EML1: variants seen among roughly 807,000 people sequenced by gnomAD.
EML1 encodes echinoderm microtubule-associated protein-like 1.
Under a neutral mutation model 110.4 loss-of-function variants are expected in EML1, and 27 were observed. The ratio of observed to expected loss-of-function variants is 0.24; its 90% confidence interval spans 0.18 to 0.34. The LOEUF is 0.34. Among genes scored for constraint, EML1 ranks in the 10% least tolerant of loss-of-function variants. The probability of loss-of-function intolerance (pLI) is 1.00; values close to 1 mark genes in which losing one functional copy is unlikely to be tolerated. For missense variants in EML1, 741 were observed against 1,030.9 expected, an observed-to-expected ratio of 0.72 and a Z score of 3.85; for synonymous variants, 344 against 385.8, an observed-to-expected ratio of 0.89 and a Z score of 1.27.
At chr14:99,923,868 G>T (rs1223059729) in intron 17 of EML1, among the ~76,000 whole-genome samples, 2 of 152,038 alleles carry the variant, frequency 1.3e-5, no homozygotes, top group African/African-American at 4.8e-5. Context: ...GGCCCAGGCC[G>T]GTCTCAAACG....
At chr14:99,898,751 CAAAA>C (rs35606709) in intron 8 of EML1, among the ~76,000 whole-genome samples, 3 of 107,636 alleles carry the variant, frequency 2.8e-5, no homozygotes, top group Non-Finnish European at 3.9e-5. Context: ...GACTAAGTCT[CAAAA>C]AAAAAAAAAA....
chr14:99,837,809 T>A (rs1384555304), intron 1 of EML1, among the ~76,000 whole-genome samples: 1 of 152,170 alleles, frequency 6.6e-6, no homozygotes, highest in East Asian at 1.9e-4. Flanking sequence ...TTTTGTTGTT[T>A]TATTGTTTTT....
At chr14:99,762,933 G>A (rs989733939) in intron 1 of EML1, among the ~76,000 whole-genome samples, 8 of 152,172 alleles carry the variant, frequency 5.3e-5, no homozygotes, top group Admixed American at 6.5e-5. Context: ...ACACCCCTAC[G>A]TATGTGTGTG....
At chr14:99,761,434 G>C (rs2140187522) in intron 1 of EML1, among the ~76,000 whole-genome samples, 1 of 152,284 alleles carries the variant, frequency 6.6e-6, no homozygotes, top group East Asian at 1.9e-4. Flanking sequence ...ACACAGACCA[G>C]GGTTGCTCAC....
At chr14:99,779,657 A>G (rs1203457534) in intron 1 of EML1, among the ~76,000 whole-genome samples, 1 of 152,246 alleles carries the variant, frequency 6.6e-6, no homozygotes, top group Non-Finnish European at 1.5e-5. Context: ...TCCCTAAAAA[A>G]GGTCCTTCCA....
chr14:99,779,323 A>C (rs1422398860), intron 1 of EML1, among the ~76,000 whole-genome samples: 3 of 152,210 alleles, frequency 2.0e-5, no homozygotes, highest in East Asian at 1.9e-4. Flanking sequence ...ATTTTCAAAG[A>C]TGTTTTATCA....
chr14:99,795,245 T>G (rs1165577392), intron 1 of EML1, among the ~76,000 whole-genome samples: 1 of 152,222 alleles, frequency 6.6e-6, no homozygotes, highest in East Asian at 1.9e-4. Context: ...TTCATGAATG[T>G]TTTCGTTTTC....
intron 1 of EML1, among the ~76,000 whole-genome samples, chr14:99,824,714 G>T (rs1451589446): frequency 6.6e-6 from 1 of 152,096 alleles, no homozygotes; most frequent in Non-Finnish European, 1.5e-5. Context: ...GGTGAACACT[G>T]TACCCTGAAC....
chr14:99,830,778 T>TGACCTCAGGTGATCCGCC (rs2058437380), intron 1 of EML1, among the ~76,000 whole-genome samples: 1 of 152,168 alleles, frequency 6.6e-6, no homozygotes, highest in African/African-American at 2.4e-5. Flanking sequence ...CTCGAACTCC[T>TGACCTCAGGTGATCCGCC]GACCTCAGGT....
chr14:99,737,787 G>C lies in EML1; in HGVS notation c.-46G>C, dbSNP rs926134534. On this transcript the variant is annotated 5_prime_UTR_variant, in exon 1 of 11. Transcript: ENST00000554479. ...TGGGTGACAGCCGCTGAGGCTCTGAGTGACCCTGCAGGCTGGTGGCCAGCC... is the reference window on the plus strand; with the variant it reads ...TGGGTGACAGCCGCTGAGGCTCTGACTGACCCTGCAGGCTGGTGGCCAGCC... 21 of 1,288,978 alleles carry C rather than the reference G, an allele frequency of 1.6e-5. No individual in the cohort carries two copies. The Admixed American group carries it at 4.6e-4, about 28-fold the overall frequency. The allele number at this position is 1,288,978 out of a possible 1,614,324, so 79.8% of individuals were successfully genotyped here.
intron 20 of EML1, among the ~76,000 whole-genome samples, chr14:99,938,291 A>G (rs2060511363): frequency 6.6e-6 from 1 of 152,246 alleles, no homozygotes; most frequent in African/African-American, 2.4e-5. Flanking sequence ...TAAAAATTTC[A>G]CTTTCTTCAA....
At chr14:99,805,663 A>G (rs1301912341) in intron 1 of EML1, among the ~76,000 whole-genome samples, 1 of 151,870 alleles carries the variant, frequency 6.6e-6, no homozygotes, top group African/African-American at 2.4e-5. Context: ...TTTTGTGGAA[A>G]TGGGGTCTCG....
chr14:99,911,760 G>A (rs1478610435), intron 13 of EML1, among the ~76,000 whole-genome samples, 184 bp downstream of exon 13: 5 of 151,864 alleles, frequency 3.3e-5, no homozygotes, highest in Admixed American at 6.6e-5. Flanking sequence ...ATAGAATTAG[G>A]TTTATAAAAC....
intron 1 of EML1, among the ~76,000 whole-genome samples, chr14:99,841,349 A>C (rs1490538005): frequency 6.6e-6 from 1 of 152,212 alleles, no homozygotes; most frequent in Non-Finnish European, 1.5e-5. Context: ...GGATTCTAGT[A>C]AGGCTCAAGT....
intron 1 of EML1, among the ~76,000 whole-genome samples, chr14:99,765,529 C>T (rs769300516): frequency 3.9e-5 from 6 of 152,076 alleles, no homozygotes; most frequent in Admixed American, 6.5e-5. Context: ...AGTCAAGGTT[C>T]CTCCGTGTTG....
upstream of EML1, among the ~76,000 whole-genome samples, chr14:99,790,866 C>CT (rs58349128): frequency 6.3e-5 from 9 of 142,774 alleles, no homozygotes; most frequent in South Asian, 1.3e-3. Flanking sequence ...TTTTCTTTTC[C>CT]TTTTTTTTTG....
At chr14:99,765,612 TA>T (rs2057360057) in intron 1 of EML1, among the ~76,000 whole-genome samples, 1 of 151,870 alleles carries the variant, frequency 6.6e-6, no homozygotes, top group Non-Finnish European at 1.5e-5. Flanking sequence ...TATATATATA[TA>T]TATTTTTTGA....
intron 1 of EML1, among the ~76,000 whole-genome samples, chr14:99,805,032 C>T (rs1277002055): frequency 6.6e-6 from 1 of 152,164 alleles, no homozygotes; most frequent in Admixed American, 6.6e-5. Context: ...TTCCCTGCAG[C>T]GTCCCTTCCT....
chr14:99,933,802 A>T (rs999853005), intron 17 of EML1, among the ~76,000 whole-genome samples: 3 of 152,230 alleles, frequency 2.0e-5, no homozygotes, highest in Non-Finnish European at 4.4e-5. Context: ...GCTCTCAAAC[A>T]TATTGGCCAG....
Sources: allele counts gnomAD v4.1 joint callset (sites outside exome capture counted in the v4.1 genomes callset), GRCh38; gene constraint gnomAD v4.1.1; transcripts MANE v1.5; gene names NCBI Gene and HGNC (gene_info 2026-07-23, HGNC 2026-07-21).